The following PRR5L variants were observed in gnomAD, a reference collection of about 807,000 sequenced individuals.
PRR5L encodes the protein proline-rich protein 5-like.
In PRR5L, 21 loss-of-function variants were observed where a neutral mutation model predicts 36.4. The ratio of observed to expected loss-of-function variants is 0.58; its 90% CI spans 0.41 to 0.83. The LOEUF (loss-of-function observed/expected upper bound fraction) is 0.83, where lower values mean the gene tolerates loss of function less well. Ranked by LOEUF, PRR5L falls within the 40% of genes least tolerant of loss-of-function variation. PRR5L has a pLI of 0.00. For synonymous variants in PRR5L, 188 were observed against 197.0 expected, an observed-to-expected ratio of 0.95 and a Z score of 0.38; for missense variants, 381 against 473.3, an observed-to-expected ratio of 0.80 and a Z score of 1.81.
chr11:36,460,485 C>T (rs1240267506), intron 8 of PRR5L, among the ~76,000 whole-genome samples: 7 of 152,088 alleles, frequency 4.6e-5, no homozygotes, highest in Non-Finnish European at 1.0e-4. Context: ...TCTGTAGTAT[C>T]TCTGTAGTAT....
intron 4 of PRR5L, among the ~76,000 whole-genome samples, chr11:36,428,471 C>G (rs990146830): frequency 1.3e-5 from 2 of 152,232 alleles, no homozygotes; most frequent in South Asian, 4.1e-4. Context: ...ATTAGCAAAG[C>G]TGGAAGATGC....
At chr11:36,393,147 G>T (rs1279671849) in intron 1 of PRR5L, among the ~76,000 whole-genome samples, 2 of 152,106 alleles carry the variant, frequency 1.3e-5, no homozygotes, top group South Asian at 4.2e-4. Flanking sequence ...TCACCTTGTT[G>T]ATTGGTATCT....
intron 1 of PRR5L, among the ~76,000 whole-genome samples, chr11:36,342,246 G>A (rs1269369931): frequency 4.6e-5 from 7 of 152,246 alleles, no homozygotes; most frequent in Middle Eastern, 3.4e-3. Context: ...TCTATAAACC[G>A]TATTATTATC....
At chr11:36,308,940 G>A (rs1856465526) in intron 1 of PRR5L, among the ~76,000 whole-genome samples, 1 of 152,212 alleles carries the variant, frequency 6.6e-6, no homozygotes, top group African/African-American at 2.4e-5. Context: ...AATTGCCCTA[G>A]TCAACCTGCA....
In PRR5L at chr11:36,393,122, C is replaced by T. The variant is rs143651515; in HGVS notation, c.-125-7875C>T. On this transcript the variant is annotated intron_variant, in intron 1 of 8. Transcript: ENST00000530639. ...TAGTTTGCAAATATTTTCTCCCATTCTGTGGGTTGTCTCTTCACCTTGTTG... is the reference window on the plus strand; with the variant it reads ...TAGTTTGCAAATATTTTCTCCCATTTTGTGGGTTGTCTCTTCACCTTGTTG... Among the ~76,000 whole-genome samples the T allele has an allele frequency of 9.5e-3, 1,444 of 152,252 alleles. 20 individuals carry two copies. The highest frequency in any genetic ancestry group is 0.033 in the African/African-American group (1,367 of 41,550).
intron 1 of PRR5L, among the ~76,000 whole-genome samples, chr11:36,327,551 A>G (rs1342352959): frequency 6.6e-6 from 1 of 152,234 alleles, no homozygotes; most frequent in Non-Finnish European, 1.5e-5. Context: ...AGAAATTTAC[A>G]TTCTCCAGAG....
chr11:36,303,721 C>G (rs1470851938), intron 1 of PRR5L, among the ~76,000 whole-genome samples: 2 of 152,130 alleles, frequency 1.3e-5, no homozygotes, highest in Non-Finnish European at 2.9e-5. Flanking sequence ...CACAAGAAGC[C>G]CTTGATCCTT....
intron 4 of PRR5L, among the ~76,000 whole-genome samples, chr11:36,421,491 T>C (rs1858264869): frequency 6.6e-6 from 1 of 152,232 alleles, no homozygotes; most frequent in Admixed American, 6.5e-5. Context: ...TCGAAGTTTA[T>C]TTAAGGTGCT....
intron 6 of PRR5L, among the ~76,000 whole-genome samples, chr11:36,442,197 C>T (rs1239649486): frequency 1.3e-5 from 2 of 152,194 alleles, no homozygotes; most frequent in African/African-American, 4.8e-5. Flanking sequence ...TTCTTCACTG[C>T]ATGGCCAGGC....
At chr11:36,348,106 T>C (rs966283271) in intron 1 of PRR5L, among the ~76,000 whole-genome samples, 3 of 152,186 alleles carry the variant, frequency 2.0e-5, no homozygotes, top group African/African-American at 7.2e-5. Context: ...TGGTTCTTAT[T>C]ATTGTGGTCG....
At chr11:36,304,709 G>C (rs1259052630) in intron 1 of PRR5L, among the ~76,000 whole-genome samples, 1 of 152,152 alleles carries the variant, frequency 6.6e-6, no homozygotes, top group Non-Finnish European at 1.5e-5. Context: ...CACTTACTAA[G>C]CCATGATATA....
chr11:36,327,062 T>C (rs1481606243), intron 1 of PRR5L, among the ~76,000 whole-genome samples: 1 of 152,220 alleles, frequency 6.6e-6, no homozygotes, highest in Non-Finnish European at 1.5e-5. Flanking sequence ...TGTATACAGG[T>C]AGCTATTAAT....
chr11:36,307,124 C>T (rs1159800220), intron 1 of PRR5L, among the ~76,000 whole-genome samples: 1 of 152,144 alleles, frequency 6.6e-6, no homozygotes, highest in Non-Finnish European at 1.5e-5. Context: ...GCAGTTATTT[C>T]CCCAGAACTG....
intron 3 of PRR5L, among the ~76,000 whole-genome samples, chr11:36,408,970 G>A (rs1373587932): frequency 4.6e-5 from 7 of 152,174 alleles, no homozygotes; most frequent in Non-Finnish European, 1.0e-4. Flanking sequence ...GTACTGGGCT[G>A]TATACTGGGG....
intron 4 of PRR5L, among the ~76,000 whole-genome samples, chr11:36,427,172 C>T (rs1263363978): frequency 6.6e-6 from 1 of 152,172 alleles, no homozygotes; most frequent in East Asian, 1.9e-4. Flanking sequence ...GTTTGCAGCC[C>T]GTTTTTCTAT....
chr11:36,360,058 CACACAT>C (rs1314660402), intron 1 of PRR5L, among the ~76,000 whole-genome samples: 118 of 101,772 alleles, frequency 1.2e-3, no homozygotes, highest in East Asian at 4.0e-3. Flanking sequence ...CACACACACA[CACACAT>C]ACACACACAC....
chr11:36,347,919 A>G (rs957237336), intron 1 of PRR5L, among the ~76,000 whole-genome samples: 5 of 152,050 alleles, frequency 3.3e-5, no homozygotes, highest in African/African-American at 1.2e-4. Context: ...AAAGTTTCTG[A>G]ATCTCTCCAA....
chr11:36,400,582 A>G (rs1371316242), intron 1 of PRR5L, among the ~76,000 whole-genome samples: 1 of 152,202 alleles, frequency 6.6e-6, no homozygotes, highest in Admixed American at 6.5e-5. Flanking sequence ...TGGTAAGGGC[A>G]TATCATGGAT....
At chr11:36,342,346 A>G (rs778819617) in intron 1 of PRR5L, among the ~76,000 whole-genome samples, 130 of 152,194 alleles carry the variant, frequency 8.5e-4, no homozygotes, top group Non-Finnish European at 1.5e-3. Context: ...GACGGGGGCG[A>G]AATATGCCCC....
Sources: allele counts gnomAD v4.1 joint callset (sites outside exome capture counted in the v4.1 genomes callset), GRCh38; gene constraint gnomAD v4.1.1; transcripts MANE v1.5; gene names NCBI Gene and HGNC (gene_info 2026-07-23, HGNC 2026-07-21).